ARSG: variants seen among roughly 807,000 people sequenced by gnomAD.
ARSG encodes the protein ASG.
ARSG carries 37 observed loss-of-function variants against 50.5 expected under a neutral mutation model. The ratio of observed to expected loss-of-function variants is 0.73; its 90% CI spans 0.56 to 0.96. The LOEUF is 0.96. Among genes scored for constraint, ARSG ranks in the 50% least tolerant of loss-of-function variants. The probability of loss-of-function intolerance (pLI) is 0.00; values close to 1 mark genes in which losing one functional copy is unlikely to be tolerated. For synonymous variants in ARSG, 225 were observed against 254.6 expected (o/e 0.88, Z 1.11); for missense variants, 629 against 675.3 (o/e 0.93, Z 0.76).
intron 1 of ARSG, among the ~76,000 whole-genome samples, chr17:68,265,415 A>G (rs1421947509): frequency 6.6e-6 from 1 of 151,798 alleles, no homozygotes; most frequent in Non-Finnish European, 1.5e-5. Flanking sequence ...AATTGCTTGA[A>G]CTCTGGAGGT....
At chr17:68,318,206 T>C (rs2077146966) in intron 2 of ARSG, among the ~76,000 whole-genome samples, 1 of 152,126 alleles carries the variant, frequency 6.6e-6, no homozygotes, top group Admixed American at 6.5e-5. Flanking sequence ...AGAGGACCAA[T>C]GCATTCTGTT....
intron 1 of ARSG, among the ~76,000 whole-genome samples, chr17:68,300,440 T>A (rs2076369717): frequency 6.6e-6 from 1 of 152,208 alleles, no homozygotes; most frequent in South Asian, 2.1e-4. Flanking sequence ...AATACAGCTT[T>A]GTAAAAGGTT....
chr17:68,404,613 T>A (rs2081625921), intron 11 of ARSG, among the ~76,000 whole-genome samples: 1 of 152,222 alleles, frequency 6.6e-6, no homozygotes, highest in African/African-American at 2.4e-5. Flanking sequence ...TTTCCTTTCT[T>A]GTCTATGTCA....
chr17:68,326,208 C>T (rs782508403), intron 2 of ARSG, among the ~76,000 whole-genome samples: 5 of 152,186 alleles, frequency 3.3e-5, no homozygotes, highest in African/African-American at 1.2e-4. Context: ...TCGAACAGTG[C>T]TGCTGCAGGT....
chr17:68,343,212 G>A (rs563015245), intron 2 of ARSG, among the ~76,000 whole-genome samples: 49 of 151,894 alleles, frequency 3.2e-4, no homozygotes, highest in Middle Eastern at 3.4e-3. Flanking sequence ...GCTGGAGTGC[G>A]GTGGCGTGCT....
chr17:68,421,879 G>A, downstream of ARSG: 2 of 1,608,300 alleles, frequency 1.2e-6, no homozygotes, highest in Non-Finnish European at 1.7e-6. Context: ...GTAGGCAGGT[G>A]CATTATCAAC....
chr17:68,435,697 TA>T, the ARSG span: 1 of 1,614,198 alleles, frequency 6.2e-7, no homozygotes, highest in Non-Finnish European at 8.5e-7. Flanking sequence ...TGGGCAGCAA[TA>T]GTGCAGACTG....
At chr17:68,353,684 T>C (rs2078903157) in intron 5 of ARSG, among the ~76,000 whole-genome samples, 1 of 152,216 alleles carries the variant, frequency 6.6e-6, no homozygotes, top group Non-Finnish European at 1.5e-5. Context: ...AATCTCTTTT[T>C]AAAATTTTAA....
rs2146960365 is a variant in ARSG, at chr17:68,381,625, G to A, written c.983-3439G>A. Among the ~76,000 whole-genome samples, 1 of 152,318 alleles carries A rather than the reference G, an allele frequency of 6.6e-6. No homozygotes were observed. Among genetic ancestry groups the A allele is most frequent in the African/African-American group, 2.4e-5 (1 of 41,564 alleles). Reference sequence around the variant, plus strand: ...GGTATAAAGTCGTGGGCAACAGAAAGCCTGCAGTGACGATGACTATTAGCT... The same window carrying A: ...GGTATAAAGTCGTGGGCAACAGAAAACCTGCAGTGACGATGACTATTAGCT... On this transcript the variant is annotated intron_variant, in intron 8 of 11. Coordinates refer to ENST00000621439, the MANE Select transcript of ARSG (RefSeq NM_001267727.2). The surrounding 1 kb of genome is among the most constrained non-coding windows in gnomAD (Gnocchi z 4.1).
At chr17:68,288,193 G>C (rs2075887892), upstream of ARSG, among the ~76,000 whole-genome samples, 1 of 151,868 alleles carries the variant, frequency 6.6e-6, no homozygotes, top group South Asian at 2.1e-4. Flanking sequence ...GTAGAGACAG[G>C]GTTTCACCAT....
At chr17:68,442,591 TC>T in the ARSG span, among the ~76,000 whole-genome samples, 1 of 151,782 alleles carries the variant, frequency 6.6e-6, no homozygotes, top group African/African-American at 2.4e-5. Flanking sequence ...TACTGTCCAC[TC>T]CCCTCTCTTC....
chr17:68,443,446 G>A, the ARSG span, among the ~76,000 whole-genome samples: 1 of 152,132 alleles, frequency 6.6e-6, no homozygotes, highest in Non-Finnish European at 1.5e-5. Flanking sequence ...TTTTGCCATA[G>A]CTGAAATGTG....
intron 2 of ARSG, among the ~76,000 whole-genome samples, chr17:68,318,072 C>A (rs1363824564): frequency 6.7e-6 from 1 of 149,122 alleles, no homozygotes; most frequent in Admixed American, 6.8e-5. Flanking sequence ...GCACTCCAGA[C>A]TGGGCGACAA....
At chr17:68,423,132 G>A (rs1211732437), downstream of ARSG, among the ~76,000 whole-genome samples, 1 of 152,188 alleles carries the variant, frequency 6.6e-6, no homozygotes, top group East Asian at 1.9e-4. The surrounding 1 kb of genome is among the most constrained non-coding windows in gnomAD (Gnocchi z 4.4). Flanking sequence ...ACCAAGCTGA[G>A]ACTCCAAGAG....
chr17:68,445,209 C>T, the ARSG span, among the ~76,000 whole-genome samples: 3 of 152,088 alleles, frequency 2.0e-5, no homozygotes, highest in Non-Finnish European at 4.4e-5. Context: ...CCTGAGCCAC[C>T]GCGTTCAACA....
At chr17:68,287,674 C>T (rs782587480), upstream of ARSG, among the ~76,000 whole-genome samples, 3 of 152,152 alleles carry the variant, frequency 2.0e-5, no homozygotes, top group Non-Finnish European at 4.4e-5. Flanking sequence ...CCCTGAACCC[C>T]GTCCTACCCC....
chr17:68,446,496 C>T, the ARSG span, among the ~76,000 whole-genome samples: 1 of 152,102 alleles, frequency 6.6e-6, no homozygotes, highest in Non-Finnish European at 1.5e-5. Flanking sequence ...CTCAGTTTTA[C>T]CTAAGGCTCT....
intron 8 of ARSG, chr17:68,379,866 C>G (rs760291686): frequency 6.8e-5 from 67 of 985,252 alleles, no homozygotes; most frequent in Non-Finnish European, 7.8e-5. Flanking sequence ...TGGCACTTCT[C>G]TGGCAGGCAT....
chr17:68,320,445 G>C (rs1339508459), intron 2 of ARSG, among the ~76,000 whole-genome samples: 1 of 152,178 alleles, frequency 6.6e-6, no homozygotes, highest in African/African-American at 2.4e-5. Flanking sequence ...CAGAAGGGAA[G>C]GCAAGAGAAA....
Sources: gnomAD v4.1 joint callset for allele counts (sites outside exome capture counted in the v4.1 genomes callset) on GRCh38, gnomAD v4.1.1 for gene constraint, Gnocchi (gnomAD v3.1) non-coding constraint, MANE v1.5 for transcripts, NCBI Gene and HGNC (gene_info 2026-07-23, HGNC 2026-07-21) for gene names.